ST8SIA6: variants seen among roughly 807,000 people sequenced by gnomAD.
ST8SIA6 encodes ST8 alpha-N-acetyl-neuraminide alpha-2,8-sialyltransferase 6, also known as alpha-2,8-sialyltransferase 8F.
ST8SIA6 carries 39 observed loss-of-function variants against 33.6 expected under a neutral mutation model. The ratio of observed to expected loss-of-function variants is 1.16; its 90% confidence interval spans 0.90 to 1.52. The LOEUF (loss-of-function observed/expected upper bound fraction) is 1.52. Ranked by LOEUF, ST8SIA6 falls within the 40% of genes most tolerant of loss-of-function variation. The probability of loss-of-function intolerance (pLI) is 0.00; values close to 1 mark genes in which losing one functional copy is unlikely to be tolerated. For missense variants in ST8SIA6, 441 were observed against 443.8 expected, an observed-to-expected ratio of 0.99 and a Z score of 0.06; for synonymous variants, 172 against 167.2, an observed-to-expected ratio of 1.03 and a Z score of -0.22.
At chr10:17,360,920 G>GGAA (rs72408184) in intron 3 of ST8SIA6, among the ~76,000 whole-genome samples, 36,715 of 148,700 alleles carry the variant, frequency 0.25, 4,874 homozygotes, top group East Asian at 0.58. Flanking sequence ...GAGGAAGAAG[G>GGAA]GAAGAAGAAG....
At chr10:17,396,533 G>A (rs1850812191) in intron 2 of ST8SIA6, among the ~76,000 whole-genome samples, 1 of 152,102 alleles carries the variant, frequency 6.6e-6, no homozygotes, top group Non-Finnish European at 1.5e-5. Flanking sequence ...GCATTGGCCT[G>A]TAAATACAAG....
intron 3 of ST8SIA6, among the ~76,000 whole-genome samples, chr10:17,365,767 A>C (rs989698051): frequency 6.6e-6 from 1 of 152,214 alleles, no homozygotes; most frequent in Admixed American, 6.5e-5. Context: ...AGTACATAGA[A>C]GTTATCTTGG....
chr10:17,353,768 C>T (rs1257764782), intron 4 of ST8SIA6, among the ~76,000 whole-genome samples: 1 of 152,146 alleles, frequency 6.6e-6, no homozygotes, highest in Admixed American at 6.6e-5. Context: ...CATAATAGCA[C>T]TGTTTCCTGC....
chr10:17,336,156 C>G (rs977043818), intron 4 of ST8SIA6, among the ~76,000 whole-genome samples: 5 of 152,004 alleles, frequency 3.3e-5, no homozygotes, highest in African/African-American at 1.2e-4. Flanking sequence ...GGCGTTTTAC[C>G]ACGTTGACCA....
intron 2 of ST8SIA6, chr10:17,409,654 G>A (rs913520): frequency 0.47 from 71,530 of 152,058 alleles, 17,685 homozygotes; most frequent in East Asian, 0.66. Context: ...AGGTAGGCGG[G>A]TCTTCTGAGA....
intron 5 of ST8SIA6, among the ~76,000 whole-genome samples, chr10:17,328,734 A>G (rs1421859219): frequency 6.6e-6 from 1 of 152,196 alleles, no homozygotes; most frequent in African/African-American, 2.4e-5. Flanking sequence ...CCTTCTCACT[A>G]GGTGGCTCTG....
rs117323767 is a variant in ST8SIA6 at position 17,349,317 on chromosome 10, T to A, written c.377+10197A>T. On this transcript the variant is annotated intron_variant, in intron 4 of 7. Transcript: ENST00000377602. ...GGCAGAGGACTGGAACAGAAACTATTATAGCATTATTGCTCCATCACAGAC... is the reference window on the plus strand; with the variant it reads ...GGCAGAGGACTGGAACAGAAACTATAATAGCATTATTGCTCCATCACAGAC... Among the ~76,000 whole-genome samples the A allele has an allele frequency of 1.8e-4, 27 of 152,320 alleles. No individual in the cohort carries two copies. In the East Asian group the frequency reaches 2.9e-3, roughly 16 times the overall value.
intron 2 of ST8SIA6, among the ~76,000 whole-genome samples, chr10:17,391,316 G>C (rs899004523): frequency 3.3e-5 from 5 of 151,692 alleles, no homozygotes; most frequent in African/African-American, 1.2e-4. Flanking sequence ...AGGCTGGAGT[G>C]CAGTGGTGCA....
chr10:17,378,093 C>G (rs370575162), intron 3 of ST8SIA6, among the ~76,000 whole-genome samples: 1 of 152,072 alleles, frequency 6.6e-6, no homozygotes, highest in African/African-American at 2.4e-5. Flanking sequence ...AAAGGCATCC[C>G]CTTAAAGAAT....
At chr10:17,337,238 T>C (rs188281770) in intron 4 of ST8SIA6, among the ~76,000 whole-genome samples, 1 of 152,276 alleles carries the variant, frequency 6.6e-6, no homozygotes, top group East Asian at 1.9e-4. Flanking sequence ...TCAGCCACGA[T>C]TCCTGTGCAG....
At chr10:17,322,202 GGAAA>G (rs1443537865) in intron 7 of ST8SIA6, among the ~76,000 whole-genome samples, 1 of 138,574 alleles carries the variant, frequency 7.2e-6, no homozygotes, top group Non-Finnish European at 1.5e-5. Context: ...GAGACAGAAA[GGAAA>G]GAAAGAGAAA....
At chr10:17,440,357 C>T (rs1852433351) in intron 2 of ST8SIA6, among the ~76,000 whole-genome samples, 1 of 152,008 alleles carries the variant, frequency 6.6e-6, no homozygotes, top group Non-Finnish European at 1.5e-5. Context: ...AGGCGCCCGC[C>T]ACCATACCCT....
chr10:17,347,925 C>T (rs1194273846), intron 4 of ST8SIA6, among the ~76,000 whole-genome samples: 4 of 126,548 alleles, frequency 3.2e-5, no homozygotes, highest in African/African-American at 6.1e-5. Flanking sequence ...CACTGCATTC[C>T]AGCCTAGGCG....
At chr10:17,342,293 C>T (rs971639041) in intron 4 of ST8SIA6, among the ~76,000 whole-genome samples, 3 of 152,180 alleles carry the variant, frequency 2.0e-5, no homozygotes, top group African/African-American at 7.2e-5. Context: ...CACAAAGCAT[C>T]ACTGGCATTT....
At position 17,326,728 on chromosome 10, in the gene ST8SIA6, G is replaced by T. The variant is rs552483118; in HGVS notation, c.635+286C>A. Among the ~76,000 whole-genome samples the T allele has an allele frequency of 3.3e-5, 5 of 152,284 alleles. No homozygotes were observed. In the South Asian group the frequency reaches 1.0e-3, roughly 32 times the overall value. ...GAGTCCTCCCAAGGTAGCCATTAAC[G>T]TACTGAACGCTCTGAAAGGTCCTGC... is the stretch of plus-strand genomic sequence containing the variant. On this transcript the variant is annotated intron_variant, in intron 6 of 7. Coordinates refer to ENST00000377602, the MANE Select transcript of ST8SIA6 (RefSeq NM_001004470.3).
intron 2 of ST8SIA6, among the ~76,000 whole-genome samples, chr10:17,408,873 A>C (rs1851358682): frequency 6.6e-6 from 1 of 151,590 alleles, no homozygotes. Flanking sequence ...CTCCTGCCTC[A>C]GCCTCCCAAG....
chr10:17,382,472 G>A (rs1166574086), intron 3 of ST8SIA6, among the ~76,000 whole-genome samples: 1 of 152,110 alleles, frequency 6.6e-6, no homozygotes, highest in Admixed American at 6.5e-5. Context: ...CACCATGTTG[G>A]CCAGGCTGGT....
chr10:17,348,852 T>A (rs1163499010), intron 4 of ST8SIA6, among the ~76,000 whole-genome samples: 1 of 151,856 alleles, frequency 6.6e-6, no homozygotes, highest in African/African-American at 2.4e-5. Flanking sequence ...TGATCCTTCC[T>A]ACCCTGGGTT....
At chr10:17,354,156 C>T (rs965973435) in intron 4 of ST8SIA6, among the ~76,000 whole-genome samples, 4 of 152,152 alleles carry the variant, frequency 2.6e-5, no homozygotes, top group African/African-American at 9.7e-5. Flanking sequence ...GTTTCCAGAG[C>T]TTCACAAAGA....
Sources: gnomAD v4.1 joint callset for allele counts (sites outside exome capture counted in the v4.1 genomes callset) on GRCh38, gnomAD v4.1.1 for gene constraint, MANE v1.5 for transcripts, NCBI Gene and HGNC (gene_info 2026-07-23, HGNC 2026-07-21) for gene names.